GALNT8: variants seen among roughly 807,000 people sequenced by gnomAD.
GALNT8 encodes probable polypeptide N-acetylgalactosaminyltransferase 8.
GALNT8 carries 66 observed loss-of-function variants against 62.7 expected under a neutral mutation model. The observed-to-expected ratio is 1.05, with a 90% CI of 0.86 to 1.29. The LOEUF is 1.29. Ranked by LOEUF, GALNT8 falls within the 50% of genes most tolerant of loss-of-function variation. GALNT8 has a pLI of 0.00. For synonymous variants in GALNT8, 288 were observed against 294.3 expected, an observed-to-expected ratio of 0.98 and a Z score of 0.22; for missense variants, 771 against 791.8, an observed-to-expected ratio of 0.97 and a Z score of 0.32.
chr12:4,757,418 A>G (rs987801368), intron 6 of GALNT8, among the ~76,000 whole-genome samples: 5 of 152,230 alleles, frequency 3.3e-5, no homozygotes, highest in African/African-American at 9.6e-5. Flanking sequence ...AAGCTTCAAC[A>G]TGATAGAAAT....
intron 3 of GALNT8, among the ~76,000 whole-genome samples, chr12:4,740,812 A>G (rs1406503200): frequency 6.6e-6 from 1 of 151,338 alleles, no homozygotes; most frequent in African/African-American, 2.4e-5. Flanking sequence ...TAAGGCATAG[A>G]CTGATCAAGG....
intron 9 of GALNT8, among the ~76,000 whole-genome samples, chr12:4,764,399 A>G (rs1363315921): frequency 6.6e-6 from 1 of 152,108 alleles, no homozygotes; most frequent in Non-Finnish European, 1.5e-5. Flanking sequence ...AAGCCTGGGA[A>G]AGTGGACAGG....
intron 10 of GALNT8, among the ~76,000 whole-genome samples, chr12:4,766,774 G>C (rs558718594): frequency 1.3e-5 from 2 of 152,096 alleles, no homozygotes; most frequent in Admixed American, 6.6e-5. Context: ...TACTATGCTT[G>C]GTTCAGGTGC....
At chr12:4,747,654 T>G (rs1241460861) in intron 6 of GALNT8, among the ~76,000 whole-genome samples, 5 of 152,230 alleles carry the variant, frequency 3.3e-5, no homozygotes, top group Non-Finnish European at 5.9e-5. Flanking sequence ...TCTTGACTGT[T>G]GTGAACAGTG....
chr12:4,763,528 C>T (rs1450379383), intron 8 of GALNT8, 138 bp downstream of exon 8: 2 of 695,286 alleles, frequency 2.9e-6, no homozygotes, highest in Non-Finnish European at 5.0e-6. Flanking sequence ...GCCCTCAACC[C>T]TCTCAGTTTC....
chr12:4,726,371 G>C lies in GALNT8; in HGVS notation c.212-161G>C, dbSNP rs1946195402. Among the ~76,000 whole-genome samples, 1 of 152,142 alleles carries C rather than the reference G, an allele frequency of 6.6e-6. No homozygotes were observed. The highest frequency in any genetic ancestry group is 1.5e-5 in the Non-Finnish European group (1 of 68,028). On this transcript the variant is annotated intron_variant, in intron 1 of 10. Transcript: ENST00000252318. This position sits in a 1 kb window ranked among gnomAD's most constrained non-coding sequence, Gnocchi z 4.1. ...TTGCTGGGACAGCCTTGCATGGCTG[G>C]ATAAGTTCCCTGACATACTACATCC...
In GALNT8 at chr12:4,726,524, A is replaced by T. The variant is rs1400137846; in HGVS notation, c.212-8A>T. On this transcript the variant is annotated splice_region_variant and splice_polypyrimidine_tract_variant and intron_variant, in intron 1 of 10. Transcript: ENST00000252318. The surrounding 1 kb of genome is among the most constrained non-coding windows in gnomAD (Gnocchi z 4.1). ...TTTCTCTCCCACCCCTGTCCTCTTC[A>T]TTTGCAGAAGAAAGTATGAAATTAG... The T allele has an allele frequency of 1.2e-6, 2 of 1,604,604 alleles. No homozygotes were observed. Among genetic ancestry groups the T allele is most frequent in the Non-Finnish European group, 1.7e-6 (2 of 1,173,356 alleles).
chr12:4,764,530 A>ATT (rs58809573), intron 9 of GALNT8, among the ~76,000 whole-genome samples: 6,388 of 101,420 alleles, frequency 0.063, 654 homozygotes, highest in Non-Finnish European at 0.089. Flanking sequence ...CAGTCAGGGG[A>ATT]TTTTTTTTTT....
chr12:4,769,410 T>G (rs10774267), intron 10 of GALNT8, among the ~76,000 whole-genome samples: 76,941 of 151,966 alleles, frequency 0.51, 20,183 homozygotes, highest in Non-Finnish European at 0.59. Context: ...GGACAATATC[T>G]TTACTTAAAG....
intron 10 of GALNT8, among the ~76,000 whole-genome samples, chr12:4,767,776 G>A (rs1591576265): frequency 6.6e-6 from 1 of 152,114 alleles, no homozygotes; most frequent in African/African-American, 2.4e-5. Flanking sequence ...ACTACAACAA[G>A]TTACTTTGTT....
At chr12:4,751,556 T>C (rs1289624474) in intron 6 of GALNT8, among the ~76,000 whole-genome samples, 3 of 152,176 alleles carry the variant, frequency 2.0e-5, no homozygotes, top group African/African-American at 7.2e-5. Context: ...TCCATGTGTC[T>C]GTATAGTTTC....
chr12:4,723,138 C>T (rs1267082854), intron 1 of GALNT8, among the ~76,000 whole-genome samples: 1 of 152,096 alleles, frequency 6.6e-6, no homozygotes, highest in African/African-American at 2.4e-5. Flanking sequence ...AGTGCTGTTT[C>T]CATGAACGTC....
rs1206254848 is a variant in GALNT8, at chr12:4,725,374, T to C, written c.212-1158T>C. Among the ~76,000 whole-genome samples the C allele has an allele frequency of 3.3e-5, 5 of 152,130 alleles. No homozygotes were observed. The East Asian group carries it at 9.7e-4, about 29-fold the overall frequency. On this transcript the variant is annotated intron_variant, in intron 1 of 10. Transcript: ENST00000252318. Reference sequence around the variant, plus strand: ...CTGCATAAAACATCCTCTGCCTGGGTCTATCACTATCTGTTCATTCTTTTG... The same window carrying C: ...CTGCATAAAACATCCTCTGCCTGGGCCTATCACTATCTGTTCATTCTTTTG...
chr12:4,726,563 A>G lies in GALNT8; in HGVS notation c.243A>G (p.Gln81=), dbSNP rs1565381493. The G allele has an allele frequency of 3.7e-6, 6 of 1,613,254 alleles. No homozygotes were observed. The East Asian group carries it at 1.3e-4, about 36-fold the overall frequency. Residue 81 remains glutamine (Q), a synonymous_variant, in exon 2 of 11, where the codon CAA becomes CAG. Transcript: ENST00000252318. The surrounding 1 kb of genome is among the most constrained non-coding windows in gnomAD (Gnocchi z 4.1). ...KESMKLALRQ[Q]ENVNSTLKRA... ...GTATGAAATTAGCTCTGAGGCAACA[A>G]GAAAATGTGAACAGCACACTGAAGA... is the stretch of plus-strand genomic sequence containing the variant.
At chr12:4,739,355 T>G in intron 3 of GALNT8, 26 bp downstream of exon 3, 1 of 1,592,958 alleles carries the variant, frequency 6.3e-7, no homozygotes, top group Non-Finnish European at 8.6e-7. Flanking sequence ...AAAGAATAAT[T>G]GTAAAAATGA....
chr12:4,735,904 A>G (rs557406503), intron 2 of GALNT8, among the ~76,000 whole-genome samples: 3 of 152,340 alleles, frequency 2.0e-5, no homozygotes, highest in African/African-American at 7.2e-5. Context: ...GACTGACCTT[A>G]TTTAGAAGAG....
chr12:4,741,810 C>T (rs1946273438), intron 3 of GALNT8, among the ~76,000 whole-genome samples: 1 of 152,142 alleles, frequency 6.6e-6, no homozygotes, highest in African/African-American at 2.4e-5. Context: ...TTGTTTTTCA[C>T]AGAGATGATT....
In GALNT8 at chr12:4,763,277, G is replaced by T. The variant is rs1011779990; in HGVS notation, c.1384G>T (p.Val462Phe). Residue 462 changes from valine to phenylalanine, a missense_variant, in exon 8 of 11, where the codon GTT becomes TTT. Physicochemically the swap from Val to Phe is conservative, Grantham distance 50. Coordinates refer to ENST00000252318, the MANE Select transcript of GALNT8 (RefSeq NM_017417.2). ...LQNSGIDFGD[V>F]SSRMALREKL... ...GAACTCTGGAATAGATTTTGGAGAC[G>T]TTTCTTCCAGAATGGCACTCCGGGA... is the stretch of plus-strand genomic sequence containing the variant. 3 of 1,611,720 alleles carry T rather than the reference G, an allele frequency of 1.9e-6. No individual in the cohort carries two copies. In the African/African-American group the frequency reaches 4.0e-5, roughly 22 times the overall value.
At chr12:4,765,709 A>G (rs1946396899) in intron 10 of GALNT8, among the ~76,000 whole-genome samples, 163 bp downstream of exon 10, 1 of 152,206 alleles carries the variant, frequency 6.6e-6, no homozygotes, top group Non-Finnish European at 1.5e-5. Flanking sequence ...GGAAGGCAGG[A>G]CATCCAGGGA....
Sources: allele counts gnomAD v4.1 joint callset (sites outside exome capture counted in the v4.1 genomes callset), GRCh38; gene constraint gnomAD v4.1.1; non-coding constraint Gnocchi (gnomAD v3.1); transcripts MANE v1.5; gene names NCBI Gene and HGNC (gene_info 2026-07-23, HGNC 2026-07-21).